The following PLEK variants were observed in gnomAD, a reference collection of about 807,000 sequenced individuals.
PLEK encodes the protein platelet 47 kDa protein.
Under a neutral mutation model 43.9 loss-of-function variants are expected in PLEK, and 25 were observed. The ratio of observed to expected loss-of-function variants is 0.57; its 90% CI spans 0.41 to 0.79. The LOEUF (loss-of-function observed/expected upper bound fraction) is 0.79. Among genes scored for constraint, PLEK ranks in the 30% least tolerant of loss-of-function variants. PLEK has a pLI of 0.00. For synonymous variants in PLEK, 152 were observed against 144.4 expected (o/e 1.05, Z -0.38); for missense variants, 396 against 413.3 (o/e 0.96, Z 0.36).
intron 8 of PLEK, among the ~76,000 whole-genome samples, chr2:68,394,786 C>A (rs994687435): frequency 2.0e-5 from 3 of 152,194 alleles, no homozygotes; most frequent in East Asian, 3.8e-4. Flanking sequence ...GGAATAACCA[C>A]GTGGGTGTAG....
chr2:68,367,632 T>C (rs945659554), intron 1 of PLEK, among the ~76,000 whole-genome samples: 1 of 152,194 alleles, frequency 6.6e-6, no homozygotes, highest in Admixed American at 6.5e-5. Context: ...GAATCTGACA[T>C]ATAATTGGTG....
At chr2:68,373,544 T>G (rs1673448668) in intron 1 of PLEK, among the ~76,000 whole-genome samples, 1 of 151,750 alleles carries the variant, frequency 6.6e-6, no homozygotes, top group Non-Finnish European at 1.5e-5. Context: ...AACCTTCACG[T>G]TGTGCACATG....
rs1183319118 is a variant in PLEK, at chr2:68,376,131, T to G, written c.43-4197T>G. Among the ~76,000 whole-genome samples the G allele has an allele frequency of 5.3e-5, 8 of 152,296 alleles. 1 individual carries two copies. The East Asian group carries it at 1.5e-3, about 29-fold the overall frequency. ...CATGCCACCACTTATGACTGCTTTG[T>G]CTATGGGAGACACGGCTGTTGGATC... On this transcript the variant is annotated intron_variant, in intron 1 of 8. Coordinates refer to ENST00000234313, the MANE Select transcript of PLEK (RefSeq NM_002664.3).
At chr2:68,387,605 C>T (rs1182208291) in intron 5 of PLEK, among the ~76,000 whole-genome samples, 2 of 152,160 alleles carry the variant, frequency 1.3e-5, no homozygotes, top group African/African-American at 2.4e-5. Flanking sequence ...TGAACCTGTT[C>T]TTAGGCCATG....
chr2:68,392,349 A>C (rs1029182619), intron 6 of PLEK, among the ~76,000 whole-genome samples: 2 of 152,016 alleles, frequency 1.3e-5, no homozygotes, highest in Admixed American at 1.3e-4. Context: ...TTTTTTACTT[A>C]CCATCTTTTC....
At chr2:68,372,352 T>C (rs1461398240) in intron 1 of PLEK, among the ~76,000 whole-genome samples, 1 of 152,072 alleles carries the variant, frequency 6.6e-6, no homozygotes, top group Non-Finnish European at 1.5e-5. Flanking sequence ...TTTTGTATAT[T>C]TTTAGTAGAG....
chr2:68,377,318 T>A (rs1445188495), intron 1 of PLEK, among the ~76,000 whole-genome samples: 1 of 152,228 alleles, frequency 6.6e-6, no homozygotes, highest in Non-Finnish European at 1.5e-5. Flanking sequence ...ATCGTAGTTC[T>A]GTTTTTAGTT....
At chr2:68,375,845 C>T (rs1573072115) in intron 1 of PLEK, among the ~76,000 whole-genome samples, 2 of 152,270 alleles carry the variant, frequency 1.3e-5, no homozygotes, top group Non-Finnish European at 2.9e-5. Context: ...GAAATAGAGA[C>T]TTCCCTGTTT....
rs1553358889 is a variant in PLEK, at chr2:68,392,174, C to CTTCTT, written c.763-988_763-987insTTCTT. ...TTCCTCCCCCTTTTCTCCTCCTCCT[C>CTTCTT]CTTCTTCTTCTTCTTCTTTCTCCTC... On this transcript the variant is annotated intron_variant, in intron 6 of 8. Coordinates refer to ENST00000234313, the MANE Select transcript of PLEK (RefSeq NM_002664.3). 4.0e-3 allele frequency among the ~76,000 whole-genome samples: 592 copies of CTTCTT among 149,460 alleles called. 5 individuals are homozygous for CTTCTT. Among genetic ancestry groups the CTTCTT allele is most frequent in the African/African-American group, 9.1e-3 (362 of 39,988 alleles).
intron 4 of PLEK, among the ~76,000 whole-genome samples, chr2:68,384,147 TCTTCTTGTTCTCCTTCTCCTTCTC>T (rs1165940915): frequency 2.3e-3 from 345 of 149,390 alleles, no homozygotes; most frequent in African/African-American, 8.2e-3. Flanking sequence ...CTGGTTTTTT[TCTTCTTGTTCTCCTTCTCCTTCTC>T]CTTCTCCTTC....
chr2:68,366,498 T>G (rs1301454017), intron 1 of PLEK, among the ~76,000 whole-genome samples: 1 of 152,224 alleles, frequency 6.6e-6, no homozygotes, highest in Non-Finnish European at 1.5e-5. Flanking sequence ...GACCAGCCAC[T>G]CCTTCTCTGA....
chr2:68,375,686 G>T (rs1318010599), intron 1 of PLEK, among the ~76,000 whole-genome samples: 1 of 152,168 alleles, frequency 6.6e-6, no homozygotes, highest in Non-Finnish European at 1.5e-5. Flanking sequence ...TGGTCAACTG[G>T]ACCTTTATAT....
At chr2:68,391,450 A>G (rs752833070) in intron 6 of PLEK, among the ~76,000 whole-genome samples, 3 of 152,266 alleles carry the variant, frequency 2.0e-5, no homozygotes, top group African/African-American at 4.8e-5. Context: ...GCAGCAATGT[A>G]TACTTTTGGA....
chr2:68,372,234 T>C (rs1482003357), intron 1 of PLEK, among the ~76,000 whole-genome samples: 1 of 151,394 alleles, frequency 6.6e-6, no homozygotes, highest in Non-Finnish European at 1.5e-5. Flanking sequence ...AGTGCAGTGG[T>C]GTGATCTAGG....
rs559113022 is a variant in PLEK at position 68,384,049 on chromosome 2, A to G, written c.472+1416A>G. On this transcript the variant is annotated intron_variant, in intron 4 of 8. Coordinates refer to ENST00000234313, the MANE Select transcript of PLEK (RefSeq NM_002664.3). The stretch of plus-strand genomic sequence containing the variant: ...TGCAACAGCCTTGGGCAAAGGGAAC[A>G]GGAGGGCATTTCAATGTAGACTTGG... 2.5e-4 allele frequency among the ~76,000 whole-genome samples: 38 copies of G among 152,306 alleles called. 1 individual carries two copies. The highest frequency in any genetic ancestry group is 8.9e-4 in the African/African-American group (37 of 41,564).
intron 4 of PLEK, 118 bp downstream of exon 4, chr2:68,382,751 C>A: frequency 1.6e-6 from 1 of 619,568 alleles, no homozygotes; most frequent in East Asian, 2.6e-5. Flanking sequence ...TCCCAGAATG[C>A]AGCCTGGTGA....
At position 68,396,688 on chromosome 2, in the gene PLEK, TTC is replaced by T. The variant is rs2103790917; in HGVS notation, c.*874_*875del. ...GGAGGGGGACCCCACATCTGTGAGA[TTC>T]TGTTTCATTTGAGGTTTACAGAAAA... On this transcript the variant is annotated 3_prime_UTR_variant, in exon 9 of 9. Coordinates refer to ENST00000234313, the MANE Select transcript of PLEK (RefSeq NM_002664.3). 6.8e-6 allele frequency: 1 copy of T among 147,096 alleles called. No individual in the cohort carries two copies. The highest frequency in any genetic ancestry group is 2.1e-4 in the South Asian group (1 of 4,674). The allele number at this position is 147,096 out of a possible 1,614,324, so 9.1% of individuals were successfully genotyped here.
In PLEK at chr2:68,375,950, T is replaced by G. The variant is rs568665386; in HGVS notation, c.43-4378T>G. Among the ~76,000 whole-genome samples, 11 of 152,312 alleles carry G rather than the reference T, an allele frequency of 7.2e-5. 3 individuals carry two copies. Among genetic ancestry groups the G allele is most frequent in the African/African-American group, 2.6e-4 (11 of 41,562 alleles). On this transcript the variant is annotated intron_variant, in intron 1 of 8. Transcript: ENST00000234313. Reference sequence around the variant, plus strand: ...AGGATTTTTTTAAGGGCTACATTAATGTGGATAGCCTCATTCTGGCATTAT... The same window carrying G: ...AGGATTTTTTTAAGGGCTACATTAAGGTGGATAGCCTCATTCTGGCATTAT...
In PLEK at chr2:68,386,789, C is replaced by A. The variant is rs538628064; in HGVS notation, c.657+103C>A. On this transcript the variant is annotated intron_variant, in intron 5 of 8. Transcript: ENST00000234313. ...ACATCTATAGAGCGCTGTTAGGCAGCGGGTAGGGAGGTCAGCCAGGAAGAA... is the reference window on the plus strand; with the variant it reads ...ACATCTATAGAGCGCTGTTAGGCAGAGGGTAGGGAGGTCAGCCAGGAAGAA... 7.1e-5 allele frequency: 61 copies of A among 856,652 alleles called. No homozygotes were observed. In the East Asian group the frequency reaches 1.4e-3, roughly 20 times the overall value. 53.1% of individuals were successfully genotyped at this position (856,652 alleles called of 1,614,324 possible).
Sources: allele counts gnomAD v4.1 joint callset (sites outside exome capture counted in the v4.1 genomes callset), GRCh38; gene constraint gnomAD v4.1.1; transcripts MANE v1.5; gene names NCBI Gene and HGNC (gene_info 2026-07-23, HGNC 2026-07-21).